Variants in BRDT observed in about 807,000 individuals in gnomAD.
BRDT encodes the protein bromodomain testis associated, also known as bromodomain testis-specific protein.
BRDT carries 77 observed loss-of-function variants against 113.9 expected under a neutral mutation model. The observed-to-expected ratio is 0.68, with a 90% CI of 0.56 to 0.82. The LOEUF (loss-of-function observed/expected upper bound fraction) is 0.82. BRDT is among the 40% of genes least tolerant of loss of function. The pLI, the probability that BRDT is intolerant of heterozygous loss-of-function variation, is 0.00. For synonymous variants in BRDT, 358 were observed against 366.5 expected, an observed-to-expected ratio of 0.98 and a Z score of 0.26; for missense variants, 1,027 against 1,105.4, an observed-to-expected ratio of 0.93 and a Z score of 1.01.
chr1:91,998,914 A>G (rs948822073), intron 15 of BRDT, among the ~76,000 whole-genome samples: 5 of 152,216 alleles, frequency 3.3e-5, no homozygotes, highest in Admixed American at 2.6e-4. Flanking sequence ...GAAAATTACA[A>G]AGGTAGACCA....
At chr1:91,962,043 G>C (rs1310543350) in intron 1 of BRDT, among the ~76,000 whole-genome samples, 1 of 149,340 alleles carries the variant, frequency 6.7e-6, no homozygotes, top group African/African-American at 2.5e-5. Context: ...TACTCGGGAG[G>C]CGGAGGCAGG....
At chr1:91,974,847 G>T (rs1317092147) in intron 4 of BRDT, among the ~76,000 whole-genome samples, 2 of 152,104 alleles carry the variant, frequency 1.3e-5, no homozygotes, top group Admixed American at 6.5e-5. Context: ...GTTTATTGTG[G>T]CACTATTCAC....
Position 91,964,629 on chromosome 1 carries a change from T to C in BRDT, c.195T>C (p.Asp65=). ...TTAGAATTTGTTCAAAACCATAGGA[T>C]TATTATACCATTATAAAAAACCCAA... ...PVDAVKLQLP[D]YYTIIKNPMD... is the part of the protein sequence containing the mutation. The change falls in exon 3 of 19, where the codon GAT becomes GAC. Residue 65 remains aspartate, a splice_region_variant and synonymous_variant. Coordinates refer to ENST00000399546, the MANE Select transcript of BRDT (RefSeq NM_207189.4). 2 of 1,391,986 alleles carry C rather than the reference T, an allele frequency of 1.4e-6. No individual in the cohort carries two copies. 86.2% of individuals were successfully genotyped at this position (1,391,986 alleles called of 1,614,324 possible). A position where few individuals can be genotyped will look rare whatever the true frequency, so the allele number is the denominator to read the frequency against.
chr1:91,979,836 G>T, intron 8 of BRDT, 79 bp downstream of exon 8: 1 of 1,377,124 alleles, frequency 7.3e-7, no homozygotes, highest in Non-Finnish European at 9.9e-7. Flanking sequence ...CAGATTTAAA[G>T]CTGTTATAGT....
chr1:91,964,721 A>G lies in BRDT; in HGVS notation c.287A>G (p.Glu96Gly). Reference sequence around the variant, plus strand: ...TATGCGAAGGCTTCAGAATGTATAGAAGACTTCAATACAATGTTCTCAAAT... The same window carrying G: ...TATGCGAAGGCTTCAGAATGTATAGGAGACTTCAATACAATGTTCTCAAAT... ...KYYAKASECIEDFNTMFSNCY... is the reference protein window; with the variant it reads ...KYYAKASECIGDFNTMFSNCY... The change falls in exon 3 of 19, where the codon GAA (glutamate) becomes GGA (glycine). Residue 96 changes from glutamate to glycine, a missense_variant. Transcript: ENST00000399546. 1 of 1,517,446 alleles carries G rather than the reference A, an allele frequency of 6.6e-7. No individual in the cohort carries two copies. The highest frequency in any genetic ancestry group is 1.3e-5 in the South Asian group (1 of 76,432). 94.0% of individuals were successfully genotyped at this position (1,517,446 alleles called of 1,614,324 possible). A position where few individuals can be genotyped will look rare whatever the true frequency, so the allele number is the denominator to read the frequency against.
At chr1:91,973,910 A>G (rs1683865202) in intron 4 of BRDT, among the ~76,000 whole-genome samples, 1 of 152,192 alleles carries the variant, frequency 6.6e-6, no homozygotes, top group African/African-American at 2.4e-5. Context: ...AGTAACCAAA[A>G]CAGCATGGTA....
At chr1:91,996,887 G>C (rs930217598) in intron 15 of BRDT, among the ~76,000 whole-genome samples, 1 of 151,992 alleles carries the variant, frequency 6.6e-6, no homozygotes, top group Admixed American at 6.6e-5. Context: ...GAACTAACAG[G>C]GTGTAACAGG....
chr1:92,002,444 A>G (rs931105754), intron 16 of BRDT, among the ~76,000 whole-genome samples: 2 of 152,094 alleles, frequency 1.3e-5, no homozygotes, highest in Admixed American at 1.3e-4. Flanking sequence ...GCTCACTGCA[A>G]CCTCTGCCTC....
intron 4 of BRDT, 135 bp downstream of exon 4, chr1:91,968,395 T>C (rs1683283077): frequency 7.7e-7 from 1 of 1,296,358 alleles, no homozygotes; most frequent in Non-Finnish European, 1.0e-6. Flanking sequence ...AAAATGTCCA[T>C]TTGAAACAAT....
chr1:91,992,816 G>GT (rs1454917415), intron 14 of BRDT, among the ~76,000 whole-genome samples: 8 of 152,140 alleles, frequency 5.3e-5, no homozygotes, highest in Admixed American at 4.6e-4. Flanking sequence ...GATTACAGGC[G>GT]TGAGCCACCA....
intron 15 of BRDT, among the ~76,000 whole-genome samples, chr1:92,000,559 C>T (rs1310044818): frequency 6.6e-6 from 1 of 152,150 alleles, no homozygotes; most frequent in Non-Finnish European, 1.5e-5. Context: ...ATGATTTAGC[C>T]AGAGAATCAG....
At chr1:91,994,492 A>G (rs903516473) in intron 15 of BRDT, among the ~76,000 whole-genome samples, 11 of 150,944 alleles carry the variant, frequency 7.3e-5, no homozygotes, top group African/African-American at 2.7e-4. Context: ...TTCACACCCA[A>G]TTTACTTTCC....
chr1:92,003,668 A>T (rs1687043410), intron 16 of BRDT, among the ~76,000 whole-genome samples: 3 of 152,336 alleles, frequency 2.0e-5, no homozygotes, highest in Non-Finnish European at 4.4e-5. Context: ...CTAATTATAG[A>T]TCAATTGTTT....
rs778546450 is a variant in BRDT at position 91,977,065 on chromosome 1, A to G, written c.641A>G (p.Lys214Arg). 1 of 1,606,100 alleles carries G rather than the reference A, an allele frequency of 6.2e-7. No individual in the cohort carries two copies. The highest frequency in any genetic ancestry group is 8.5e-7 in the Non-Finnish European group (1 of 1,176,734). Residue 214 changes from lysine to arginine, a missense_variant, in exon 6 of 19, where the codon AAA (lysine) becomes AGA (arginine). By Grantham distance (26) the Lys-to-Arg change is conservative (BLOSUM62 2). Coordinates refer to ENST00000399546, the MANE Select transcript of BRDT (RefSeq NM_207189.4). ...TAGGTTACAAAAGGTGTGAAGAGGA[A>G]AGCAGATACAACAACTCCTGCAACT... is the stretch of plus-strand genomic sequence containing the variant. Reference protein sequence around the residue: ...AAQVTKGVKRKADTTTPATSA... With the variant: ...AAQVTKGVKRRADTTTPATSA...
chr1:91,962,093 C>A (rs189167283), intron 1 of BRDT, among the ~76,000 whole-genome samples: 9,349 of 114,238 alleles, frequency 0.082, 631 homozygotes, highest in African/African-American at 0.12. Context: ...TGCAGTGAGC[C>A]GAGATGGAGC....
intron 16 of BRDT, among the ~76,000 whole-genome samples, chr1:92,002,714 G>A (rs1458805774): frequency 1.3e-5 from 2 of 152,126 alleles, no homozygotes; most frequent in Non-Finnish European, 2.9e-5. Context: ...ATATTTGCCA[G>A]TGATCTCAAT....
Position 91,993,943 on chromosome 1 carries a change from A to C in BRDT, c.2116-140A>C, listed in dbSNP as rs1686030714. 5.6e-6 allele frequency: 4 copies of C among 715,614 alleles called. No individual in the cohort carries two copies. The South Asian group carries it at 1.1e-4, about 20-fold the overall frequency. 44.3% of individuals were successfully genotyped at this position (715,614 alleles called of 1,614,324 possible). On this transcript the variant is annotated intron_variant, in intron 14 of 18. Transcript: ENST00000399546. ...TGCAAGATAGGGATAACTATACATT[A>C]TAGATTTGTGTGACTTAAATAATAA...
intron 4 of BRDT, 121 bp from the exon 5 acceptor site, chr1:91,976,143 GAA>G: frequency 1.1e-6 from 1 of 924,926 alleles, no homozygotes; most frequent in Non-Finnish European, 1.5e-6. Flanking sequence ...ATTTCAAAAT[GAA>G]ATAAGTATCC....
At chr1:91,981,933 A>T (rs561147018) in intron 12 of BRDT, among the ~76,000 whole-genome samples, 178 bp downstream of exon 12, 67 of 152,346 alleles carry the variant, frequency 4.4e-4, no homozygotes, top group African/African-American at 1.6e-3. Flanking sequence ...ATACTGTGTA[A>T]GATGAAACTT....
Sources: allele counts gnomAD v4.1 joint callset (sites outside exome capture counted in the v4.1 genomes callset), GRCh38; gene constraint gnomAD v4.1.1; transcripts MANE v1.5; gene names NCBI Gene and HGNC (gene_info 2026-07-23, HGNC 2026-07-21).